The following AGBL1 variants were observed in gnomAD, a reference collection of about 807,000 sequenced individuals.
AGBL1 encodes the protein AGBL carboxypeptidase 1, also known as cytosolic carboxypeptidase 4.
AGBL1 carries 130 observed loss-of-function variants against 118.9 expected under a neutral mutation model. That is an observed-to-expected ratio of 1.09 (90% CI 0.95 to 1.26). AGBL1 has a LOEUF of 1.26. AGBL1 is among the 50% of genes most tolerant of loss of function. The pLI is 0.00. For missense variants in AGBL1, 1,584 were observed against 1,298.1 expected (o/e 1.22, Z -3.38); for synonymous variants, 555 against 478.9 (o/e 1.16, Z -2.08).
At chr15:86,930,034 C>G (rs1053635630) in intron 23 of AGBL1, among the ~76,000 whole-genome samples, 1 of 152,180 alleles carries the variant, frequency 6.6e-6, no homozygotes, top group African/African-American at 2.4e-5. Context: ...ACAATCCACG[C>G]TTGCTTGCCG....
chr15:86,938,512 G>A (rs2062965182), intron 23 of AGBL1, among the ~76,000 whole-genome samples: 2 of 152,190 alleles, frequency 1.3e-5, no homozygotes, highest in African/African-American at 2.4e-5. Flanking sequence ...TCAGGCAGCT[G>A]AACGTATTTC....
intron 15 of AGBL1, among the ~76,000 whole-genome samples, chr15:86,277,756 T>C (rs1182674685): frequency 1.3e-5 from 2 of 152,208 alleles, no homozygotes; most frequent in Non-Finnish European, 2.9e-5. Context: ...AGGCTCTGTC[T>C]CCACCATTTG....
chr15:86,792,557 A>G (rs2078509805), intron 22 of AGBL1, among the ~76,000 whole-genome samples: 1 of 152,134 alleles, frequency 6.6e-6, no homozygotes, highest in Non-Finnish European at 1.5e-5. Context: ...TGTTGGAGAG[A>G]ATAAAGTGGT....
chr15:86,984,158 G>A (rs1267080821), intron 23 of AGBL1, among the ~76,000 whole-genome samples: 8 of 151,986 alleles, frequency 5.3e-5, no homozygotes, highest in Non-Finnish European at 1.5e-5. Flanking sequence ...GGAGGTTTCA[G>A]GTAATCCATA....
At position 86,287,507 on chromosome 15, in the gene AGBL1, T is replaced by C. The variant is rs191873919; in HGVS notation, c.2220+7724T>C. On this transcript the variant is annotated intron_variant, in intron 16 of 22. Coordinates refer to ENST00000614907, the MANE Select transcript of AGBL1 (RefSeq NM_001386094.1). ...TCAGGTTTTATGCTTAGGTCTTTAATCCATTTTGAGTTGATTCTTATATAA... is the reference window on the plus strand; with the variant it reads ...TCAGGTTTTATGCTTAGGTCTTTAACCCATTTTGAGTTGATTCTTATATAA... 1.9e-4 allele frequency among the ~76,000 whole-genome samples: 29 copies of C among 152,252 alleles called. 1 individual carries two copies. In the East Asian group the frequency reaches 5.2e-3, roughly 27 times the overall value.
At chr15:86,171,966 C>T (rs1354127506) in intron 5 of AGBL1, among the ~76,000 whole-genome samples, 1 of 152,146 alleles carries the variant, frequency 6.6e-6, no homozygotes, top group African/African-American at 2.4e-5. Context: ...CTTATGTTCT[C>T]ACTCGTAAGT....
intron 17 of AGBL1, among the ~76,000 whole-genome samples, chr15:86,358,117 A>G (rs1452690334): frequency 6.6e-6 from 1 of 152,102 alleles, no homozygotes. Context: ...CATGCTGTAC[A>G]GTGGGTATTC....
downstream of AGBL1, among the ~76,000 whole-genome samples, chr15:86,917,933 T>C (rs561428108): frequency 6.6e-6 from 1 of 152,122 alleles, no homozygotes; most frequent in Non-Finnish European, 1.5e-5. The surrounding 1 kb of genome is among the most constrained non-coding windows in gnomAD (Gnocchi z 4.8). Context: ...TTTCACTCCA[T>C]CCCTAGTCCC....
At chr15:86,644,811 G>A (rs1254062066) in intron 21 of AGBL1, among the ~76,000 whole-genome samples, 2 of 132,094 alleles carry the variant, frequency 1.5e-5, no homozygotes, top group Non-Finnish European at 3.1e-5. Context: ...TTTGAGACCA[G>A]CCTGACTGAC....
intron 4 of AGBL1, 30 bp from the exon 5 acceptor site, chr15:86,158,903 C>G: frequency 2.5e-6 from 4 of 1,599,778 alleles, no homozygotes; most frequent in Non-Finnish European, 3.4e-6. Context: ...CCACTTGTGA[C>G]CATAACTACT....
rs192968994 is a variant in AGBL1, at chr15:86,619,922, G to C, written c.2995-54351G>C. Among the ~76,000 whole-genome samples, 177 of 152,312 alleles carry C rather than the reference G, an allele frequency of 1.2e-3. 1 individual carries two copies. The highest frequency in any genetic ancestry group is 2.0e-3 in the Non-Finnish European group (137 of 68,024). On this transcript the variant is annotated intron_variant, in intron 21 of 22. Coordinates refer to ENST00000614907, the MANE Select transcript of AGBL1 (RefSeq NM_001386094.1). The stretch of plus-strand genomic sequence containing the variant: ...TTGATTTCTACAAGAGTCTACTCCT[G>C]GATATTCCTATAACAGAGCTAAGTC...
At position 86,683,233 on chromosome 15, in the gene AGBL1, G is replaced by C. The variant is rs888914720; in HGVS notation, c.3158+8797G>C. Reference sequence around the variant, plus strand: ...GTATGTATTGGGTACATGTATATCTGTGTGTGTTTCTGGGTAAGTTTTAAA... The same window carrying C: ...GTATGTATTGGGTACATGTATATCTCTGTGTGTTTCTGGGTAAGTTTTAAA... On this transcript the variant is annotated intron_variant, in intron 22 of 22. Coordinates refer to ENST00000614907, the MANE Select transcript of AGBL1 (RefSeq NM_001386094.1). 2.6e-4 allele frequency among the ~76,000 whole-genome samples: 39 copies of C among 152,162 alleles called. 1 individual carries two copies. The highest frequency in any genetic ancestry group is 9.2e-4 in the Admixed American group (14 of 15,266).
At chr15:86,829,564 A>G (rs1271157425) in intron 22 of AGBL1, among the ~76,000 whole-genome samples, 1 of 152,188 alleles carries the variant, frequency 6.6e-6, no homozygotes, top group Non-Finnish European at 1.5e-5. Flanking sequence ...TTGAAAAAAA[A>G]CATCAGTAGA....
chr15:86,092,663 T>G (rs1245143401), intron 1 of AGBL1, among the ~76,000 whole-genome samples: 1 of 152,104 alleles, frequency 6.6e-6, no homozygotes, highest in Non-Finnish European at 1.5e-5. Flanking sequence ...GAACGGAAAT[T>G]TATTGGCTCA....
intron 5 of AGBL1, among the ~76,000 whole-genome samples, chr15:86,220,773 G>A (rs1597577702): frequency 6.6e-6 from 1 of 152,268 alleles, no homozygotes; most frequent in African/African-American, 2.4e-5. Context: ...TAAACATGGG[G>A]ACATCCATTT....
chr15:86,735,826 G>T (rs926421545), intron 22 of AGBL1, among the ~76,000 whole-genome samples: 1 of 152,066 alleles, frequency 6.6e-6, no homozygotes, highest in African/African-American at 2.4e-5. Flanking sequence ...TGTAGCAAGC[G>T]CTCTGTAAAC....
chr15:86,793,005 C>A (rs868147206), intron 22 of AGBL1, among the ~76,000 whole-genome samples: 8 of 151,910 alleles, frequency 5.3e-5, no homozygotes, highest in South Asian at 4.2e-4. Context: ...AAAATTAGAC[C>A]ATAGTTAAAA....
chr15:86,166,116 G>A (rs1044319713), intron 5 of AGBL1, among the ~76,000 whole-genome samples: 4 of 152,100 alleles, frequency 2.6e-5, no homozygotes, highest in African/African-American at 9.7e-5. Flanking sequence ...ACCCAGAGAG[G>A]CTGAACCAAG....
chr15:86,191,340 C>CTTTTTTTTTTTTTTTTTTTTTTTT (rs2077716438), intron 5 of AGBL1, among the ~76,000 whole-genome samples: 1 of 56,192 alleles, frequency 1.8e-5, no homozygotes, highest in South Asian at 6.5e-4. Context: ...AGGAGCAAAA[C>CTTTTTTTTTTTTTTTTTTTTTTTT]TTTGTCTCAA....
Sources: allele counts gnomAD v4.1 joint callset (sites outside exome capture counted in the v4.1 genomes callset), GRCh38; gene constraint gnomAD v4.1.1; non-coding constraint Gnocchi (gnomAD v3.1); transcripts MANE v1.5; gene names NCBI Gene and HGNC (gene_info 2026-07-23, HGNC 2026-07-21).